The following PKHD1L1 variants were observed in gnomAD, a reference collection of about 807,000 sequenced individuals.
PKHD1L1 encodes fibrocystin-L.
Under a neutral mutation model 462.9 loss-of-function variants are expected in PKHD1L1, and 434 were observed. The observed-to-expected ratio is 0.94, with a 90% CI of 0.87 to 1.02. PKHD1L1 has a LOEUF of 1.02. PKHD1L1 is among the 50% of genes least tolerant of loss of function. PKHD1L1 has a pLI of 0.00. For synonymous variants in PKHD1L1, 1,781 were observed against 1,750.0 expected, an observed-to-expected ratio of 1.02 and a Z score of -0.44; for missense variants, 5,202 against 5,096.1, an observed-to-expected ratio of 1.02 and a Z score of -0.63.
chr8:109,483,040 A>G lies in PKHD1L1; in HGVS notation c.9511A>G (p.Lys3171Glu). The change falls in exon 57 of 78, where the codon AAG becomes GAG. Residue 3171 changes from lysine to glutamate, a missense_variant. Coordinates refer to ENST00000378402, the MANE Select transcript of PKHD1L1 (RefSeq NM_177531.6). Reference sequence around the variant, plus strand: ...AATTCCACATTCAATATATAAAACTAAGCTCTCAGAAACTGCATTTGCAGG... The same window carrying G: ...AATTCCACATTCAATATATAAAACTGAGCTCTCAGAAACTGCATTTGCAGG... The part of the protein sequence containing the change: ...HGIPHSIYKT[K>E]LSETAFAGSK... The G allele has an allele frequency of 6.2e-7, 1 of 1,601,716 alleles. No individual in the cohort carries two copies. The highest frequency in any genetic ancestry group is 1.3e-5 in the African/African-American group (1 of 74,172).
intron 40 of PKHD1L1, 81 bp downstream of exon 40, chr8:109,449,568 C>A: frequency 1.6e-6 from 2 of 1,227,768 alleles, no homozygotes; most frequent in Admixed American, 2.8e-5. Context: ...TTTTCAAGTT[C>A]TTGGATTCCT....
intron 2 of PKHD1L1, among the ~76,000 whole-genome samples, chr8:109,373,944 A>G (rs1162476982): frequency 6.6e-6 from 1 of 152,160 alleles, no homozygotes; most frequent in Admixed American, 6.5e-5. Flanking sequence ...ATTTTGGAAT[A>G]GGTGTGGTGT....
chr8:109,416,017 GATCA>G (rs1372371314), intron 21 of PKHD1L1, among the ~76,000 whole-genome samples: 2 of 151,980 alleles, frequency 1.3e-5, no homozygotes, highest in Non-Finnish European at 2.9e-5. Flanking sequence ...CAAATACTCT[GATCA>G]ATCAATGGAT....
intron 17 of PKHD1L1, among the ~76,000 whole-genome samples, chr8:109,407,583 G>T (rs1813624720): frequency 1.3e-5 from 2 of 152,138 alleles, no homozygotes; most frequent in African/African-American, 2.4e-5. Flanking sequence ...ATACTAAGTG[G>T]CATGGTATGA....
chr8:109,481,410 A>C (rs1274000387), intron 55 of PKHD1L1, 23 bp from the exon 56 acceptor site: 2 of 1,553,430 alleles, frequency 1.3e-6, no homozygotes, highest in African/African-American at 2.8e-5. Context: ...TTTAAGTATT[A>C]ACAATTTTCT....
intron 22 of PKHD1L1, 71 bp downstream of exon 22, chr8:109,419,331 A>G: frequency 1.7e-6 from 2 of 1,193,690 alleles, no homozygotes; most frequent in Non-Finnish European, 1.1e-6. Flanking sequence ...TTATTTTTAT[A>G]TTCTGCAGTA....
chr8:109,434,479 G>A (rs1439102349), intron 28 of PKHD1L1, among the ~76,000 whole-genome samples: 1 of 151,130 alleles, frequency 6.6e-6, no homozygotes, highest in Non-Finnish European at 1.5e-5. Context: ...CTGTGTTTTT[G>A]TTTTTTTGAG....
At chr8:109,385,508 A>G (rs751636634) in intron 5 of PKHD1L1, 29 bp from the exon 6 acceptor site, 2 of 1,439,708 alleles carry the variant, frequency 1.4e-6, no homozygotes, top group African/African-American at 1.4e-5. Context: ...CTTACACAGA[A>G]TCTTTTTGGG....
At chr8:109,396,235 G>A (rs1157725107) in intron 11 of PKHD1L1, 98 bp downstream of exon 11, 4 of 838,162 alleles carry the variant, frequency 4.8e-6, no homozygotes, top group Non-Finnish European at 5.6e-6. Flanking sequence ...CTCAACTCAT[G>A]CCTTCAATTG....
intron 17 of PKHD1L1, among the ~76,000 whole-genome samples, chr8:109,407,148 G>T (rs1248731173): frequency 6.6e-6 from 1 of 152,076 alleles, no homozygotes; most frequent in Admixed American, 6.6e-5. Context: ...CCCTGAATGT[G>T]TGTGTGTTTA....
chr8:109,419,429 A>G (rs1814354103), intron 22 of PKHD1L1, among the ~76,000 whole-genome samples, 169 bp downstream of exon 22: 1 of 152,214 alleles, frequency 6.6e-6, no homozygotes, highest in Admixed American at 6.5e-5. Flanking sequence ...AATAGTGCAA[A>G]GTGATTATTC....
At chr8:109,389,407 C>T (rs17445342) in intron 8 of PKHD1L1, among the ~76,000 whole-genome samples, 3 of 151,654 alleles carry the variant, frequency 2.0e-5, no homozygotes, top group Admixed American at 6.6e-5. Context: ...TACAGCATTC[C>T]GTGTCTAATT....
chr8:109,507,193 A>G (rs867562233), intron 68 of PKHD1L1, among the ~76,000 whole-genome samples: 1 of 152,158 alleles, frequency 6.6e-6, no homozygotes, highest in South Asian at 2.1e-4. Flanking sequence ...ATAAATCTTT[A>G]TATTATTTTA....
intron 50 of PKHD1L1, chr8:109,470,134 T>C (rs1817645602): frequency 1.0e-5 from 6 of 594,810 alleles, no homozygotes; most frequent in Middle Eastern, 4.6e-4. Context: ...AAGTATATAT[T>C]CCTTACAAGT....
At chr8:109,514,735 G>A (rs1404423491) in intron 71 of PKHD1L1, among the ~76,000 whole-genome samples, 1 of 152,050 alleles carries the variant, frequency 6.6e-6, no homozygotes, top group Admixed American at 6.6e-5. Flanking sequence ...TAGTTATTTT[G>A]ACATTTATTA....
At chr8:109,462,625 T>C (rs1817203459) in intron 48 of PKHD1L1, among the ~76,000 whole-genome samples, 2 of 152,120 alleles carry the variant, frequency 1.3e-5, no homozygotes, top group Admixed American at 6.6e-5. Flanking sequence ...CACTGCAACT[T>C]CCACCTCCAG....
intron 60 of PKHD1L1, 105 bp downstream of exon 60, chr8:109,490,160 T>C: frequency 1.4e-6 from 1 of 693,554 alleles, no homozygotes; most frequent in Non-Finnish European, 2.3e-6. Flanking sequence ...AAAATTATAA[T>C]CTAATATAAT....
At chr8:109,411,681 C>T (rs903009540) in intron 19 of PKHD1L1, among the ~76,000 whole-genome samples, 4 of 152,144 alleles carry the variant, frequency 2.6e-5, no homozygotes, top group Non-Finnish European at 5.9e-5. Context: ...TTTGGACTCT[C>T]TCTGAAGCCC....
At chr8:109,452,612 A>T in intron 42 of PKHD1L1, 106 bp from the exon 43 acceptor site, 1 of 538,064 alleles carries the variant, frequency 1.9e-6, no homozygotes, top group East Asian at 5.3e-5. Flanking sequence ...TATATTTACT[A>T]TATAATATAA....
Sources: allele counts gnomAD v4.1 joint callset (sites outside exome capture counted in the v4.1 genomes callset), GRCh38; gene constraint gnomAD v4.1.1; transcripts MANE v1.5; gene names NCBI Gene and HGNC (gene_info 2026-07-23, HGNC 2026-07-21).